Variants in LRRC4C observed in about 807,000 individuals in gnomAD.
The protein encoded by LRRC4C is leucine-rich repeat-containing protein 4C.
A neutral mutation model predicts 33.6 loss-of-function variants in LRRC4C; 5 were observed. That is an observed-to-expected ratio of 0.15 (90% CI 0.08 to 0.31). The LOEUF (loss-of-function observed/expected upper bound fraction) is 0.31, where lower values mean the gene tolerates loss of function less well. Ranked by LOEUF, LRRC4C falls within the 10% of genes least tolerant of loss-of-function variation. The pLI, the probability that LRRC4C is intolerant of heterozygous loss-of-function variation, is 1.00. For synonymous variants in LRRC4C, 329 were observed against 302.0 expected (o/e 1.09, Z -0.93); for missense variants, 560 against 796.7 (o/e 0.70, Z 3.58).
chr11:41,324,803 C>A (rs1380054665), intron 1 of LRRC4C, among the ~76,000 whole-genome samples: 1 of 152,138 alleles, frequency 6.6e-6, no homozygotes, highest in African/African-American at 2.4e-5. Context: ...GCTGTGTACA[C>A]CTATGAATGC....
At chr11:40,181,622 G>A (rs1300936016) in intron 5 of LRRC4C, among the ~76,000 whole-genome samples, 4 of 152,198 alleles carry the variant, frequency 2.6e-5, no homozygotes, top group Non-Finnish European at 5.9e-5. Context: ...GGTACACACT[G>A]TCTGAGAACT....
intron 1 of LRRC4C, among the ~76,000 whole-genome samples, chr11:41,057,298 T>C (rs1858698340): frequency 2.0e-5 from 3 of 152,280 alleles, no homozygotes; most frequent in Admixed American, 2.0e-4. Flanking sequence ...CACCAGTCCC[T>C]TGCCGCCTAA....
chr11:40,748,496 T>A (rs1306024429), intron 2 of LRRC4C, among the ~76,000 whole-genome samples: 1 of 151,470 alleles, frequency 6.6e-6, no homozygotes, highest in African/African-American at 2.4e-5. Flanking sequence ...AACACACAAA[T>A]GAGGAAGAGA....
chr11:40,228,531 T>C (rs1864973094), intron 5 of LRRC4C, among the ~76,000 whole-genome samples: 1 of 152,178 alleles, frequency 6.6e-6, no homozygotes, highest in African/African-American at 2.4e-5. Flanking sequence ...TATTATGCTA[T>C]ACAAATAATC....
At chr11:40,124,776 A>G (rs928602760) in intron 6 of LRRC4C, among the ~76,000 whole-genome samples, 1 of 152,162 alleles carries the variant, frequency 6.6e-6, no homozygotes, top group African/African-American at 2.4e-5. Flanking sequence ...GTCAACAATA[A>G]TTTACTGTAC....
rs1950577870 is a variant in LRRC4C, at chr11:40,423,076, C to T, written c.-269-103355G>A. Among the ~76,000 whole-genome samples, 3 of 152,050 alleles carry T rather than the reference C, an allele frequency of 2.0e-5. No homozygotes were observed. In the South Asian group the frequency reaches 6.2e-4, roughly 32 times the overall value. ...AGTGATATATAACAGTATGAGAGTT[C>T]ACATCTCTTCCCAATTCTTTGTTCA... On this transcript the variant is annotated intron_variant, in intron 3 of 6. Transcript: ENST00000528697.
chr11:41,030,440 C>T (rs1271151401), intron 1 of LRRC4C, among the ~76,000 whole-genome samples: 1 of 151,820 alleles, frequency 6.6e-6, no homozygotes, highest in East Asian at 1.9e-4. Context: ...CCCTTAGGGA[C>T]TGACCTTCTT....
At chr11:41,168,721 A>T (rs183078015) in intron 1 of LRRC4C, among the ~76,000 whole-genome samples, 51 of 151,740 alleles carry the variant, frequency 3.4e-4, no homozygotes, top group Admixed American at 9.2e-4. Context: ...AAATACTAAG[A>T]TTCATTTTCA....
chr11:40,317,493 C>T (rs915664451), intron 4 of LRRC4C, among the ~76,000 whole-genome samples: 1 of 152,074 alleles, frequency 6.6e-6, no homozygotes, highest in Admixed American at 6.5e-5. Flanking sequence ...CTGTCCTGTT[C>T]TTCACCAATT....
intron 2 of LRRC4C, among the ~76,000 whole-genome samples, chr11:40,877,810 G>C (rs1324292465): frequency 1.3e-5 from 2 of 152,162 alleles, no homozygotes; most frequent in East Asian, 1.9e-4. Flanking sequence ...TTTTCATGCA[G>C]GGTGCTTGCT....
chr11:40,288,612 C>T (rs988943831), intron 4 of LRRC4C, among the ~76,000 whole-genome samples: 2 of 152,150 alleles, frequency 1.3e-5, no homozygotes, highest in Non-Finnish European at 2.9e-5. Flanking sequence ...CTCAGAAAAC[C>T]ACTGGTGTGG....
intron 3 of LRRC4C, among the ~76,000 whole-genome samples, chr11:40,401,249 C>G (rs1372170789): frequency 6.6e-6 from 1 of 151,982 alleles, no homozygotes; most frequent in Non-Finnish European, 1.5e-5. Flanking sequence ...CTCTCTCTCT[C>G]TCTCTTTCCC....
At chr11:41,051,792 C>T (rs1488115993) in intron 1 of LRRC4C, among the ~76,000 whole-genome samples, 3 of 152,082 alleles carry the variant, frequency 2.0e-5, no homozygotes, top group Non-Finnish European at 4.4e-5. Context: ...CTGGCTTCAC[C>T]ACCACTGAAT....
At chr11:40,223,983 CTA>C (rs1418184842) in intron 5 of LRRC4C, among the ~76,000 whole-genome samples, 1 of 152,088 alleles carries the variant, frequency 6.6e-6, no homozygotes, top group African/African-American at 2.4e-5. Context: ...TAGATTAAGA[CTA>C]TTATTTAAAT....
intron 2 of LRRC4C, among the ~76,000 whole-genome samples, chr11:40,888,697 T>A (rs1955570132): frequency 6.6e-6 from 1 of 152,018 alleles, no homozygotes; most frequent in Admixed American, 6.6e-5. Flanking sequence ...TTCTCTTGAT[T>A]AACCAAATTT....
chr11:41,230,370 A>C (rs1947730914), intron 1 of LRRC4C, among the ~76,000 whole-genome samples: 1 of 152,058 alleles, frequency 6.6e-6, no homozygotes, highest in Non-Finnish European at 1.5e-5. Context: ...CAAAGCAGAA[A>C]ACTAGAAACC....
At position 40,914,946 on chromosome 11, in the gene LRRC4C, T is replaced by C. The variant is rs926738115; in HGVS notation, c.-407+18689A>G. Among the ~76,000 whole-genome samples the C allele has an allele frequency of 3.9e-5, 6 of 152,278 alleles. No individual in the cohort carries two copies. The South Asian group carries it at 1.2e-3, about 32-fold the overall frequency. The stretch of plus-strand genomic sequence containing the variant: ...CTCATGAGTGAACTCCCATTCACAA[T>C]TGCTTCAAAGAGAATAAAATACCTA... On this transcript the variant is annotated intron_variant, in intron 2 of 6. Transcript: ENST00000528697.
rs1269664570 is a variant in LRRC4C at position 40,114,452 on chromosome 11, A to G, written c.1841T>C (p.Ile614Thr). ...PFNHTTTVNT[I>T]NSIHSSVHEP... Reference sequence around the variant, plus strand: ...ATGCACTGAACTGTGTATTGAATTTATTGTGTTAACTGTTGTTGTGTGGTT... The same window carrying G: ...ATGCACTGAACTGTGTATTGAATTTGTTGTGTTAACTGTTGTTGTGTGGTT... The change falls in exon 7 of 7, where the codon ATA becomes ACA. Residue 614 changes from isoleucine (I) to threonine (T), a missense_variant. By Grantham distance (89) the Ile-to-Thr change is moderately conservative. Coordinates refer to ENST00000528697, the MANE Select transcript of LRRC4C (RefSeq NM_001258419.2). 12 of 1,613,796 alleles carry G rather than the reference A, an allele frequency of 7.4e-6. No individual in the cohort carries two copies. Among genetic ancestry groups the G allele is most frequent in the Non-Finnish European group, 1.0e-5 (12 of 1,179,982 alleles).
At chr11:41,075,034 TTTA>T (rs1196209136) in intron 1 of LRRC4C, among the ~76,000 whole-genome samples, 20 of 33,790 alleles carry the variant, frequency 5.9e-4, no homozygotes, top group South Asian at 2.0e-3. Context: ...TTTTTTTTTT[TTTA>T]TTTTTAATGT....
Sources: allele counts gnomAD v4.1 joint callset (sites outside exome capture counted in the v4.1 genomes callset), GRCh38; gene constraint gnomAD v4.1.1; transcripts MANE v1.5; gene names NCBI Gene and HGNC (gene_info 2026-07-23, HGNC 2026-07-21).